Variants in NRG3 observed in about 807,000 individuals in gnomAD.
The protein encoded by NRG3 is neuregulin 3.
NRG3 carries 31 observed loss-of-function variants against 66.9 expected under a neutral mutation model. The observed-to-expected ratio is 0.46, with a 90% CI of 0.35 to 0.63. The LOEUF (loss-of-function observed/expected upper bound fraction) is 0.63. NRG3 is among the 20% of genes least tolerant of loss of function. The pLI is 0.00. For missense variants in NRG3, 910 were observed against 878.9 expected, an observed-to-expected ratio of 1.04 and a Z score of -0.45; for synonymous variants, 393 against 359.4, an observed-to-expected ratio of 1.09 and a Z score of -1.06.
At chr10:82,297,283 C>A (rs1361982360) in intron 1 of NRG3, among the ~76,000 whole-genome samples, 1 of 142,142 alleles carries the variant, frequency 7.0e-6, no homozygotes, top group East Asian at 2.0e-4. Context: ...TTTTTTTTTT[C>A]TTTTGGGTAG....
chr10:82,950,653 C>T (rs1849431547), intron 4 of NRG3, among the ~76,000 whole-genome samples: 1 of 152,098 alleles, frequency 6.6e-6, no homozygotes, highest in Non-Finnish European at 1.5e-5. Context: ...TAGTCATGGA[C>T]CATGGTCACT....
intron 2 of NRG3, among the ~76,000 whole-genome samples, chr10:82,492,246 TA>T (rs1843212541): frequency 6.6e-6 from 1 of 152,214 alleles, no homozygotes; most frequent in South Asian, 2.1e-4. Flanking sequence ...CAAATAGCAT[TA>T]CATGGTGATC....
chr10:82,334,914 A>C (rs140733521), intron 1 of NRG3, among the ~76,000 whole-genome samples: 63 of 152,346 alleles, frequency 4.1e-4, no homozygotes, highest in African/African-American at 1.4e-3. Context: ...AGCTCTCAGG[A>C]GGTGCCAGCA....
chr10:82,048,730 G>C (rs1181521949), intron 1 of NRG3, among the ~76,000 whole-genome samples: 7 of 151,690 alleles, frequency 4.6e-5, no homozygotes, highest in African/African-American at 1.7e-4. Context: ...GCTAGCAGAA[G>C]GCAAGAAATA....
chr10:82,940,914 T>C (rs1848527419), intron 4 of NRG3, among the ~76,000 whole-genome samples: 1 of 152,186 alleles, frequency 6.6e-6, no homozygotes, highest in Non-Finnish European at 1.5e-5. Context: ...TAGCAGACGC[T>C]ATACTCAAAT....
At chr10:82,344,411 A>G (rs201579964) in intron 1 of NRG3, among the ~76,000 whole-genome samples, 54,822 of 146,772 alleles carry the variant, frequency 0.37, 14,364 homozygotes, top group African/African-American at 0.74. Flanking sequence ...TTTTACGGCT[A>G]CATAGTATTC....
intron 2 of NRG3, among the ~76,000 whole-genome samples, chr10:82,702,120 G>T (rs993816411): frequency 1.4e-4 from 21 of 152,164 alleles, no homozygotes; most frequent in African/African-American, 5.1e-4. Context: ...CTGCTTTGAA[G>T]AGTGGGTCAC....
intron 7 of NRG3, among the ~76,000 whole-genome samples, chr10:82,975,823 C>A (rs1432426218): frequency 1.3e-5 from 2 of 152,098 alleles, no homozygotes; most frequent in African/African-American, 4.8e-5. Context: ...CTAGTTCATA[C>A]TGATATACTT....
intron 2 of NRG3, among the ~76,000 whole-genome samples, chr10:82,640,661 A>C (rs2133808212): frequency 6.6e-6 from 1 of 152,302 alleles, no homozygotes; most frequent in Admixed American, 6.5e-5. Flanking sequence ...CTTTCAAGGA[A>C]AAAAATGCAA....
At chr10:82,804,219 T>A (rs938465812) in intron 3 of NRG3, among the ~76,000 whole-genome samples, 1 of 152,102 alleles carries the variant, frequency 6.6e-6, no homozygotes, top group Non-Finnish European at 1.5e-5. Flanking sequence ...AGGTGAAACT[T>A]CTGGACTTAA....
chr10:82,191,147 G>T (rs2074119220), intron 1 of NRG3, among the ~76,000 whole-genome samples: 1 of 152,042 alleles, frequency 6.6e-6, no homozygotes, highest in Non-Finnish European at 1.5e-5. Context: ...GGTGGAGAAG[G>T]TTTCTTCTGT....
intron 1 of NRG3, among the ~76,000 whole-genome samples, chr10:81,975,926 A>G (rs1201198418): frequency 6.6e-6 from 1 of 152,136 alleles, no homozygotes; most frequent in African/African-American, 2.4e-5. Context: ...CTGGCTTGGA[A>G]GGAAGGGGGC....
chr10:82,683,068 C>T (rs1345295747), intron 2 of NRG3, among the ~76,000 whole-genome samples: 1 of 147,728 alleles, frequency 6.8e-6, no homozygotes, highest in Non-Finnish European at 1.5e-5. Flanking sequence ...ACGCCATTCT[C>T]CTGCCTTAGC....
intron 3 of NRG3, among the ~76,000 whole-genome samples, chr10:82,823,041 CCTT>C (rs1204396319): frequency 6.6e-6 from 1 of 152,148 alleles, no homozygotes; most frequent in Admixed American, 6.5e-5. Flanking sequence ...TTTTACTTTT[CCTT>C]CTTCTGCCAG....
chr10:82,034,934 G>A (rs2062733143), intron 1 of NRG3, among the ~76,000 whole-genome samples: 1 of 152,022 alleles, frequency 6.6e-6, no homozygotes, highest in South Asian at 2.1e-4. Flanking sequence ...TCTTTTCTCA[G>A]AGGTGTTGCC....
chr10:82,686,042 C>T (rs1215043843), intron 2 of NRG3, among the ~76,000 whole-genome samples: 3 of 152,076 alleles, frequency 2.0e-5, no homozygotes, highest in Admixed American at 2.0e-4. Context: ...TCTTTTAATA[C>T]CGTGTACTCA....
At chr10:82,184,414 G>C (rs960340576) in intron 1 of NRG3, among the ~76,000 whole-genome samples, 1 of 152,070 alleles carries the variant, frequency 6.6e-6, no homozygotes, top group Admixed American at 6.6e-5. Flanking sequence ...CATTTAAAAG[G>C]GAAATTCAGG....
At chr10:82,524,822 C>T (rs1360598081) in intron 2 of NRG3, among the ~76,000 whole-genome samples, 1 of 151,776 alleles carries the variant, frequency 6.6e-6, no homozygotes, top group Non-Finnish European at 1.5e-5. Context: ...CTATAATGGA[C>T]CTCCAGAGTA....
At chr10:82,781,314 T>C (rs774437803) in intron 3 of NRG3, among the ~76,000 whole-genome samples, 14 of 152,222 alleles carry the variant, frequency 9.2e-5, no homozygotes, top group Admixed American at 8.5e-4. Context: ...CTCAAGTTCT[T>C]ATTACTCTCT....
Sources: gnomAD v4.1 joint callset for allele counts (sites outside exome capture counted in the v4.1 genomes callset) on GRCh38, gnomAD v4.1.1 for gene constraint, MANE v1.5 for transcripts, NCBI Gene and HGNC (gene_info 2026-07-23, HGNC 2026-07-21) for gene names.